HYDIN: variants seen among roughly 807,000 people sequenced by gnomAD.
HYDIN encodes the protein axonemal central pair apparatus protein HYDIN.
Under a neutral mutation model 403.9 loss-of-function variants are expected in HYDIN, and 132 were observed. The ratio of observed to expected loss-of-function variants is 0.33; its 90% CI spans 0.28 to 0.38. The LOEUF (loss-of-function observed/expected upper bound fraction) is 0.38. Among genes scored for constraint, HYDIN ranks in the 10% least tolerant of loss-of-function variants. The probability of loss-of-function intolerance (pLI) is 1.00; values close to 1 mark genes in which losing one functional copy is unlikely to be tolerated. For synonymous variants in HYDIN, 1,202 were observed against 1,891.7 expected, an observed-to-expected ratio of 0.64 and a Z score of 9.46; for missense variants, 2,827 against 5,009.5, an observed-to-expected ratio of 0.56 and a Z score of 13.15.
intron 25 of HYDIN, among the ~76,000 whole-genome samples, chr16:70,990,000 C>T (rs1450095162): frequency 6.6e-6 from 1 of 152,184 alleles, no homozygotes; most frequent in African/African-American, 2.4e-5. Context: ...GTCGAGTCTT[C>T]CAGCTCCACT....
intron 42 of HYDIN, among the ~76,000 whole-genome samples, chr16:70,942,530 G>C (rs948632719): frequency 5.3e-5 from 8 of 152,228 alleles, no homozygotes; most frequent in African/African-American, 1.7e-4. Flanking sequence ...TACTGCCTTG[G>C]AGCGTAATGA....
chr16:71,021,077 A>G (rs1019312648), intron 21 of HYDIN, among the ~76,000 whole-genome samples: 2 of 150,648 alleles, frequency 1.3e-5, no homozygotes, highest in African/African-American at 4.9e-5. Context: ...ATATTTTTCC[A>G]GGCTTAAAAT....
chr16:70,920,772 C>T lies in HYDIN; in HGVS notation c.7604G>A (p.Arg2535His), dbSNP rs545493400. ...RLEREKAERE[R>H]LEKLRALEER... ...CTCCAGGGCTCGCAGCTTCTCCAGG[C>T]GCTCCCGCTCCGCCTTCTCCCTCTC... The change falls in exon 46 of 86, where the codon CGC becomes CAC. Residue 2535 changes from arginine to histidine, a missense_variant. Arg to His is a conservative substitution (Grantham distance 29). Coordinates refer to ENST00000393567, the MANE Select transcript of HYDIN (RefSeq NM_001270974.2). The T allele has an allele frequency of 8.5e-5, 132 of 1,559,268 alleles. No homozygotes were observed. Among genetic ancestry groups the T allele is most frequent in the South Asian group, 4.5e-4 (38 of 85,130 alleles).
intron 83 of HYDIN, among the ~76,000 whole-genome samples, chr16:70,823,559 A>T (rs1314325759): frequency 7.2e-6 from 1 of 139,474 alleles, no homozygotes; most frequent in Non-Finnish European, 1.6e-5. Context: ...GGTTCTCAGG[A>T]TTTTAATGAG....
chr16:70,979,878 C>T (rs1338207744), intron 29 of HYDIN, among the ~76,000 whole-genome samples: 1 of 152,164 alleles, frequency 6.6e-6, no homozygotes, highest in East Asian at 1.9e-4. Flanking sequence ...GAGCTGAGAC[C>T]CCGTCACTGA....
Position 70,967,274 on chromosome 16 carries a change from A to G in HYDIN, c.5620-2378T>C, listed in dbSNP as rs549538702. 4.6e-5 allele frequency among the ~76,000 whole-genome samples: 7 copies of G among 152,168 alleles called. No individual in the cohort carries two copies. In the South Asian group the frequency reaches 1.2e-3, roughly 27 times the overall value. On this transcript the variant is annotated intron_variant, in intron 36 of 85. Transcript: ENST00000393567. ...CAGTAGCCTTACTGTTAGTAGGAAT[A>G]TTGATATTACTATTTTGAAGCTATT...
At chr16:71,160,132 A>C (rs1392069210) in intron 6 of HYDIN, among the ~76,000 whole-genome samples, 2 of 98,684 alleles carry the variant, frequency 2.0e-5, no homozygotes, top group Non-Finnish European at 3.7e-5. Context: ...ATACCTAGAA[A>C]GACTGGATAA....
intron 46 of HYDIN, among the ~76,000 whole-genome samples, chr16:70,919,161 G>C (rs1196319506): frequency 6.6e-6 from 1 of 151,748 alleles, no homozygotes; most frequent in Non-Finnish European, 1.5e-5. Flanking sequence ...TTAACTCCCA[G>C]GATTTAGAAT....
intron 23 of HYDIN, among the ~76,000 whole-genome samples, chr16:71,002,235 C>A (rs1419409123): frequency 6.6e-6 from 1 of 152,156 alleles, no homozygotes; most frequent in Non-Finnish European, 1.5e-5. Flanking sequence ...TGATTTTGTG[C>A]TTTTTGTATC....
intron 16 of HYDIN, among the ~76,000 whole-genome samples, chr16:71,063,453 CT>C (rs2082157296): frequency 6.6e-6 from 1 of 152,250 alleles, no homozygotes; most frequent in African/African-American, 2.4e-5. Context: ...GAGTGTTTGG[CT>C]TCCCCTTAAA....
rs1338400178 is a variant in HYDIN, at chr16:70,921,049, C to T, written c.7327G>A (p.Gly2443Arg). Residue 2443 changes from glycine to arginine, a missense_variant, in exon 46 of 86, where the codon GGG (glycine) becomes AGG (arginine). By Grantham distance (125) the Gly-to-Arg change is moderately radical. Coordinates refer to ENST00000393567, the MANE Select transcript of HYDIN (RefSeq NM_001270974.2). ...TTGTCGGGGTCCTTTGAGTTGTCCC[C>T]TTCACTGTCCTCTTGGTCCTGGACA... ...PLVQDQEDSE[G>R]DNSKDPDKQL... The T allele has an allele frequency of 1.2e-6, 2 of 1,611,490 alleles. No homozygotes were observed. Among genetic ancestry groups the T allele is most frequent in the Admixed American group, 1.7e-5 (1 of 59,910 alleles).
chr16:71,182,304 T>TA (rs913248611), intron 3 of HYDIN, among the ~76,000 whole-genome samples: 2 of 152,036 alleles, frequency 1.3e-5, no homozygotes, highest in African/African-American at 4.8e-5. Flanking sequence ...ATTTACATTT[T>TA]AAAAAAACAT....
chr16:71,092,277 C>A (rs1302651361), intron 11 of HYDIN, among the ~76,000 whole-genome samples: 2 of 152,102 alleles, frequency 1.3e-5, no homozygotes, highest in African/African-American at 4.8e-5. Flanking sequence ...TTCCCCCATG[C>A]CCTTTCCCCT....
chr16:71,186,314 T>C (rs1597979323), intron 2 of HYDIN, among the ~76,000 whole-genome samples: 1 of 152,268 alleles, frequency 6.6e-6, no homozygotes, highest in East Asian at 1.9e-4. Flanking sequence ...AAAATACCTA[T>C]TTTTCTTAAA....
At position 70,807,585 on chromosome 16, in the gene HYDIN, G is replaced by A; in HGVS notation, c.15361C>T (p.Leu5121Phe). Reference sequence around the variant, plus strand: ...ACAGGTAACCCTGGTTACCACTAAAGGGTGATCCCCTTCAGATAATAAACC... The same window carrying A: ...ACAGGTAACCCTGGTTACCACTAAAAGGTGATCCCCTTCAGATAATAAACC... ...KWVYYLKGIT[L>F] is the part of the protein sequence containing the mutation. The change falls in exon 86 of 86, where the codon CTT becomes TTT. Residue 5121 changes from leucine (L) to phenylalanine (F), a missense_variant. Coordinates refer to ENST00000393567, the MANE Select transcript of HYDIN (RefSeq NM_001270974.2). The A allele has an allele frequency of 4.3e-6, 7 of 1,609,208 alleles. No individual in the cohort carries two copies. The highest frequency in any genetic ancestry group is 5.1e-6 in the Non-Finnish European group (6 of 1,177,352).
intron 68 of HYDIN, among the ~76,000 whole-genome samples, chr16:70,862,612 GC>G (rs2039483188): frequency 1.2e-5 from 1 of 86,382 alleles, no homozygotes; most frequent in African/African-American, 4.7e-5. Context: ...ATGGATAAGG[GC>G]CCATTCAAAA....
At chr16:71,173,113 T>C (rs575023239) in intron 5 of HYDIN, among the ~76,000 whole-genome samples, 1 of 152,330 alleles carries the variant, frequency 6.6e-6, no homozygotes, top group East Asian at 1.9e-4. Context: ...AACAACTCTG[T>C]CTTTTGAAAT....
At chr16:70,830,797 G>A (rs2036926503) in intron 80 of HYDIN, among the ~76,000 whole-genome samples, 1 of 152,160 alleles carries the variant, frequency 6.6e-6, no homozygotes, top group Non-Finnish European at 1.5e-5. Flanking sequence ...ACTGCGGGAG[G>A]AGCAGGTTTC....
intron 1 of HYDIN, among the ~76,000 whole-genome samples, chr16:71,215,091 C>G (rs562841591): frequency 7.9e-5 from 12 of 152,276 alleles, no homozygotes; most frequent in African/African-American, 2.6e-4. Context: ...ATCAATTCAT[C>G]AATCAAATAA....
Sources: gnomAD v4.1 joint callset for allele counts (sites outside exome capture counted in the v4.1 genomes callset) on GRCh38, gnomAD v4.1.1 for gene constraint, MANE v1.5 for transcripts, NCBI Gene and HGNC (gene_info 2026-07-23, HGNC 2026-07-21) for gene names.